The following ARB2A variants were observed in gnomAD, a reference collection of about 807,000 sequenced individuals.
ARB2A encodes the protein cotranscriptional regulator ARB2A.
the ARB2A span, among the ~76,000 whole-genome samples, chr5:93,829,457 C>A: frequency 2.6e-5 from 4 of 152,184 alleles, no homozygotes; most frequent in East Asian, 7.7e-4. Flanking sequence ...CCTATTTTTC[C>A]CAAGGATTAG....
the ARB2A span, among the ~76,000 whole-genome samples, chr5:93,761,684 T>C: frequency 6.6e-6 from 1 of 152,206 alleles, no homozygotes; most frequent in African/African-American, 2.4e-5. Context: ...TATATGTCCC[T>C]GTCTGACAGT....
At chr5:93,785,321 A>G in the ARB2A span, among the ~76,000 whole-genome samples, 1 of 152,200 alleles carries the variant, frequency 6.6e-6, no homozygotes, top group African/African-American at 2.4e-5. Context: ...TGCAGTTAAA[A>G]TATCATAAAT....
At chr5:93,637,354 GTTTTTTTTTTT>G in the ARB2A span, among the ~76,000 whole-genome samples, 1 of 116,110 alleles carries the variant, frequency 8.6e-6, no homozygotes, top group African/African-American at 3.2e-5. Context: ...GGGTTGTTTA[GTTTTTTTTTTT>G]TTTTTTTTTT....
At chr5:93,654,041 G>T in the ARB2A span, among the ~76,000 whole-genome samples, 1 of 152,176 alleles carries the variant, frequency 6.6e-6, no homozygotes, top group African/African-American at 2.4e-5. Flanking sequence ...ACTCTTGTAT[G>T]CTGGACACTG....
chr5:93,797,086 T>A, the ARB2A span, among the ~76,000 whole-genome samples: 4 of 152,082 alleles, frequency 2.6e-5, no homozygotes, highest in African/African-American at 9.7e-5. Context: ...GTTTCCTCTA[T>A]CAATATCCAC....
At chr5:94,004,827 T>C in the ARB2A span, among the ~76,000 whole-genome samples, 1,419 of 151,316 alleles carry the variant, frequency 9.4e-3, 23 homozygotes, top group African/African-American at 0.033. Flanking sequence ...AAAGTTACCT[T>C]ATTTAATATA....
At chr5:93,884,781 TTC>T in the ARB2A span, among the ~76,000 whole-genome samples, 2 of 151,644 alleles carry the variant, frequency 1.3e-5, no homozygotes, top group South Asian at 2.1e-4. Flanking sequence ...ATTAAAATAT[TTC>T]TGTTAAATTA....
At chr5:94,024,287 A>G in the ARB2A span, among the ~76,000 whole-genome samples, 1 of 152,112 alleles carries the variant, frequency 6.6e-6, no homozygotes, top group Non-Finnish European at 1.5e-5. Context: ...ATAAAGGCTG[A>G]CCTCACCCAA....
At chr5:93,941,481 T>A in the ARB2A span, among the ~76,000 whole-genome samples, 2 of 152,152 alleles carry the variant, frequency 1.3e-5, no homozygotes, top group African/African-American at 4.8e-5. Context: ...TCGCCTTCTA[T>A]GCATTTAAAC....
chr5:93,748,555 T>C, the ARB2A span, among the ~76,000 whole-genome samples: 4 of 152,062 alleles, frequency 2.6e-5, no homozygotes, highest in African/African-American at 9.7e-5. Flanking sequence ...AAAACTATAA[T>C]ACTTGACTTG....
At chr5:93,629,919 A>G in the ARB2A span, among the ~76,000 whole-genome samples, 2 of 152,198 alleles carry the variant, frequency 1.3e-5, no homozygotes, top group Non-Finnish European at 2.9e-5. Flanking sequence ...TGATAATAAC[A>G]GGTAAGGGAA....
the ARB2A span, among the ~76,000 whole-genome samples, chr5:94,011,821 G>T: frequency 6.9e-6 from 1 of 145,528 alleles, no homozygotes; most frequent in East Asian, 2.1e-4. Context: ...AAGTAGCACA[G>T]ACATGGTATT....
chr5:93,634,932 G>C, the ARB2A span, among the ~76,000 whole-genome samples: 2 of 151,962 alleles, frequency 1.3e-5, no homozygotes, highest in East Asian at 1.9e-4. Flanking sequence ...GTGCCACCAC[G>C]CCCGGCTAAT....
the ARB2A span, among the ~76,000 whole-genome samples, chr5:93,672,638 A>T: frequency 6.6e-6 from 1 of 152,164 alleles, no homozygotes. Context: ...GCATTAAAAA[A>T]TTTAAGCTAA....
the ARB2A span, among the ~76,000 whole-genome samples, chr5:93,732,654 C>T: frequency 6.6e-6 from 1 of 151,328 alleles, no homozygotes; most frequent in Non-Finnish European, 1.5e-5. Flanking sequence ...CCGTACTCCC[C>T]CATTTAGATA....
the ARB2A span, among the ~76,000 whole-genome samples, chr5:93,826,590 GT>G: frequency 6.6e-6 from 1 of 151,774 alleles, no homozygotes; most frequent in Admixed American, 6.6e-5. Context: ...CTTTTAAAAT[GT>G]TTTTTTAATT....
the ARB2A span, chr5:93,733,950 A>AAAGTGGCT: frequency 2.6e-5 from 4 of 152,352 alleles, no homozygotes; most frequent in African/African-American, 9.6e-5. Flanking sequence ...GGCATAAACA[A>AAAGTGGCT]AAGTGGCTAT....
the ARB2A span, among the ~76,000 whole-genome samples, chr5:93,699,681 T>G: frequency 1.3e-5 from 2 of 152,032 alleles, no homozygotes; most frequent in Non-Finnish European, 2.9e-5. Flanking sequence ...GACACTACCT[T>G]CACAGTTAGA....
the ARB2A span, among the ~76,000 whole-genome samples, chr5:93,793,897 C>A: frequency 6.6e-6 from 1 of 152,138 alleles, no homozygotes; most frequent in African/African-American, 2.4e-5. Context: ...AGAGTTGTTC[C>A]AAGTTGGGTC....
Sources: allele counts gnomAD v4.1 joint callset (sites outside exome capture counted in the v4.1 genomes callset), GRCh38; gene constraint gnomAD v4.1.1; transcripts MANE v1.5; gene names NCBI Gene and HGNC (gene_info 2026-07-23, HGNC 2026-07-21).